The following IMMP2L variants were observed in gnomAD, a reference collection of about 807,000 sequenced individuals.
The protein encoded by IMMP2L is mitochondrial inner membrane protease subunit 2.
In IMMP2L, 18 loss-of-function variants were observed where a neutral mutation model predicts 19.3. That is an observed-to-expected ratio of 0.93 (90% CI 0.64 to 1.38). The LOEUF (loss-of-function observed/expected upper bound fraction) is 1.38, where lower values mean the gene tolerates loss of function less well. Ranked by LOEUF, IMMP2L falls within the 40% of genes most tolerant of loss-of-function variation. The pLI is 0.00. For synonymous variants in IMMP2L, 76 were observed against 73.0 expected (o/e 1.04, Z -0.21); for missense variants, 233 against 218.2 (o/e 1.07, Z -0.43).
At chr7:110,975,087 T>C (rs973367656) in intron 3 of IMMP2L, among the ~76,000 whole-genome samples, 1 of 152,130 alleles carries the variant, frequency 6.6e-6, no homozygotes, top group South Asian at 2.1e-4. Flanking sequence ...TATCTATTCA[T>C]AGTTACACTG....
chr7:111,561,653 T>TA (rs1213177700), intron 1 of IMMP2L, among the ~76,000 whole-genome samples, 198 bp downstream of exon 1: 4 of 152,116 alleles, frequency 2.6e-5, no homozygotes, highest in Non-Finnish European at 5.9e-5. Flanking sequence ...TGTTAAACTC[T>TA]ATAGACTGTG....
At chr7:111,256,861 G>A (rs910321989) in intron 3 of IMMP2L, among the ~76,000 whole-genome samples, 1 of 151,890 alleles carries the variant, frequency 6.6e-6, no homozygotes, top group Non-Finnish European at 1.5e-5. Flanking sequence ...GACAAAAAAC[G>A]CAAAGGCAAG....
intron 3 of IMMP2L, among the ~76,000 whole-genome samples, chr7:111,337,073 G>A (rs2130742814): frequency 6.6e-6 from 1 of 152,004 alleles, no homozygotes; most frequent in South Asian, 2.1e-4. Flanking sequence ...ATTTAAGTCT[G>A]AATATTCGGC....
intron 3 of IMMP2L, among the ~76,000 whole-genome samples, chr7:111,046,468 T>C (rs896347948): frequency 2.0e-5 from 3 of 151,852 alleles, no homozygotes; most frequent in Non-Finnish European, 4.4e-5. Context: ...TAAAGATATA[T>C]AGAAAAGTAT....
intron 3 of IMMP2L, among the ~76,000 whole-genome samples, chr7:111,061,086 T>G (rs2160024): frequency 2.0e-5 from 3 of 152,188 alleles, no homozygotes; most frequent in African/African-American, 7.2e-5. Flanking sequence ...CAAATGTATA[T>G]GCGTGAAGTC....
At chr7:110,699,096 C>G (rs531458163) in intron 5 of IMMP2L, among the ~76,000 whole-genome samples, 50 of 152,188 alleles carry the variant, frequency 3.3e-4, no homozygotes, top group African/African-American at 1.1e-3. Flanking sequence ...GTAGCTAAAA[C>G]TTGGCATCCA....
intron 4 of IMMP2L, among the ~76,000 whole-genome samples, chr7:110,921,907 C>T (rs1366133544): frequency 6.6e-6 from 1 of 152,176 alleles, no homozygotes; most frequent in Non-Finnish European, 1.5e-5. Flanking sequence ...TCTCCAGAGT[C>T]CTTGGCATTA....
chr7:111,279,745 T>A (rs1819495378), intron 3 of IMMP2L, among the ~76,000 whole-genome samples: 2 of 152,070 alleles, frequency 1.3e-5, no homozygotes. Context: ...AAGTGGACCT[T>A]GGGGTGTAAA....
intron 4 of IMMP2L, chr7:110,963,028 C>A: frequency 6.6e-7 from 1 of 1,521,198 alleles, no homozygotes; most frequent in Non-Finnish European, 8.8e-7. Context: ...TCATCTAAAG[C>A]TTTCATTCTT....
intron 5 of IMMP2L, among the ~76,000 whole-genome samples, chr7:110,669,054 T>TGC (rs1489995869): frequency 8.0e-6 from 1 of 124,830 alleles, no homozygotes; most frequent in Non-Finnish European, 1.6e-5. Context: ...TGTGTGTGCG[T>TGC]GTGTGTGTGT....
intron 3 of IMMP2L, among the ~76,000 whole-genome samples, chr7:111,079,664 A>T (rs1364989446): frequency 6.6e-6 from 1 of 152,174 alleles, no homozygotes; most frequent in African/African-American, 2.4e-5. Flanking sequence ...TAACTTTATG[A>T]TTATACATAT....
intron 3 of IMMP2L, among the ~76,000 whole-genome samples, chr7:111,281,214 GAAAAAGAA>G (rs1405020079): frequency 2.9e-4 from 9 of 30,824 alleles, no homozygotes; most frequent in African/African-American, 8.8e-4. Context: ...AAGAAAGAAA[GAAAAAGAA>G]AGAAAGAAAG....
intron 5 of IMMP2L, among the ~76,000 whole-genome samples, chr7:110,846,898 G>T (rs1271715169): frequency 1.3e-5 from 2 of 152,112 alleles, no homozygotes; most frequent in Non-Finnish European, 2.9e-5. Context: ...ACCAAGCCCT[G>T]TTGGTTTTTG....
At chr7:111,230,702 A>C (rs1248229861) in intron 3 of IMMP2L, among the ~76,000 whole-genome samples, 1 of 152,024 alleles carries the variant, frequency 6.6e-6, no homozygotes, top group Non-Finnish European at 1.5e-5. Context: ...GCAGATTTTA[A>C]ACTGAAAGCT....
intron 5 of IMMP2L, among the ~76,000 whole-genome samples, chr7:110,861,308 C>G (rs541811930): frequency 2.0e-5 from 3 of 151,546 alleles, no homozygotes; most frequent in Non-Finnish European, 4.4e-5. Context: ...CAGGGTCTTG[C>G]GTCGGCTGCA....
intron 3 of IMMP2L, among the ~76,000 whole-genome samples, chr7:111,445,376 C>G (rs1400190300): frequency 6.6e-6 from 1 of 151,864 alleles, no homozygotes; most frequent in Admixed American, 6.6e-5. Flanking sequence ...AATTTATTCC[C>G]CCTTTCCTAG....
chr7:110,699,640 G>A (rs1794121805), intron 5 of IMMP2L, among the ~76,000 whole-genome samples: 1 of 151,962 alleles, frequency 6.6e-6, no homozygotes, highest in Non-Finnish European at 1.5e-5. Flanking sequence ...GCATGGTGGT[G>A]CGCACCTGTA....
At chr7:111,308,189 T>TG in intron 3 of IMMP2L, among the ~76,000 whole-genome samples, 1 of 152,014 alleles carries the variant, frequency 6.6e-6, no homozygotes, top group Non-Finnish European at 1.5e-5. Context: ...ACACTGGCAG[T>TG]ACCCTATCTC....
At chr7:111,003,036 T>A (rs1029351389) in intron 3 of IMMP2L, among the ~76,000 whole-genome samples, 3 of 152,168 alleles carry the variant, frequency 2.0e-5, no homozygotes, top group African/African-American at 7.2e-5. Flanking sequence ...ACATAGATAT[T>A]GTCACTAGAA....
Sources: gnomAD v4.1 joint callset for allele counts (sites outside exome capture counted in the v4.1 genomes callset) on GRCh38, gnomAD v4.1.1 for gene constraint, MANE v1.5 for transcripts, NCBI Gene and HGNC (gene_info 2026-07-23, HGNC 2026-07-21) for gene names.